MYRIP: variants seen among roughly 807,000 people sequenced by gnomAD.
The protein encoded by MYRIP is myosin VIIA and Rab interacting protein, also known as rab effector MyRIP.
Under a neutral mutation model 98.0 loss-of-function variants are expected in MYRIP, and 49 were observed. That is an observed-to-expected ratio of 0.50 (90% CI 0.40 to 0.63). MYRIP has a LOEUF of 0.63. MYRIP is among the 30% of genes least tolerant of loss of function. The probability of loss-of-function intolerance (pLI) is 0.00; values close to 1 mark genes in which losing one functional copy is unlikely to be tolerated. For missense variants in MYRIP, 1,004 were observed against 1,058.2 expected, an observed-to-expected ratio of 0.95 and a Z score of 0.71; for synonymous variants, 404 against 409.5, an observed-to-expected ratio of 0.99 and a Z score of 0.16.
intron 3 of MYRIP, among the ~76,000 whole-genome samples, chr3:40,117,008 G>A (rs566205000): frequency 1.3e-4 from 20 of 152,174 alleles, no homozygotes; most frequent in East Asian, 1.2e-3. Flanking sequence ...TCCTGTCTCC[G>A]TCTCACAGTC....
In MYRIP at chr3:40,231,937, A is replaced by C. The variant is rs1952672138; in HGVS notation, c.1906-1922A>C. On this transcript the variant is annotated intron_variant, in intron 11 of 16. Transcript: ENST00000302541. ...TTGCCCTTTCTAAAACAGACCTAAG[A>C]AGTGGTAGCTGGTTCTTGCCAAAAT... 2.0e-5 allele frequency among the ~76,000 whole-genome samples: 3 copies of C among 152,208 alleles called. No homozygotes were observed. The South Asian group carries it at 6.2e-4, about 32-fold the overall frequency.
chr3:40,116,490 C>A (rs776905486), intron 3 of MYRIP, among the ~76,000 whole-genome samples: 1 of 152,088 alleles, frequency 6.6e-6, no homozygotes, highest in African/African-American at 2.4e-5. Context: ...TTCCCTTGTC[C>A]CTGAGAGTAG....
At chr3:40,031,472 G>C (rs1257639044) in intron 2 of MYRIP, among the ~76,000 whole-genome samples, 1 of 152,132 alleles carries the variant, frequency 6.6e-6, no homozygotes, top group Non-Finnish European at 1.5e-5. Flanking sequence ...TTTCTGAATG[G>C]GGCAGGAGAT....
intron 3 of MYRIP, among the ~76,000 whole-genome samples, chr3:40,095,909 T>G (rs1948821253): frequency 6.6e-6 from 1 of 150,620 alleles, no homozygotes; most frequent in Admixed American, 6.6e-5. Flanking sequence ...GCACCTTCCC[T>G]CTCCCCATCC....
chr3:39,829,759 A>G (rs1350810371), intron 1 of MYRIP, among the ~76,000 whole-genome samples: 1 of 152,110 alleles, frequency 6.6e-6, no homozygotes, highest in Non-Finnish European at 1.5e-5. Context: ...ACTTATATGC[A>G]CTGAGAAACC....
chr3:39,974,436 G>A (rs1945690939), intron 2 of MYRIP, among the ~76,000 whole-genome samples: 1 of 152,076 alleles, frequency 6.6e-6, no homozygotes, highest in Non-Finnish European at 1.5e-5. Context: ...AAAAGTCCAG[G>A]ACCAGATGGA....
intron 11 of MYRIP, among the ~76,000 whole-genome samples, chr3:40,223,387 ACAGAATAGTC>A (rs1483243645): frequency 6.6e-6 from 1 of 152,240 alleles, no homozygotes; most frequent in East Asian, 1.9e-4. Context: ...ATAAGATGTA[ACAGAATAGTC>A]CAGAAGAACA....
chr3:39,928,985 C>T (rs1394576649), intron 2 of MYRIP, among the ~76,000 whole-genome samples: 4 of 151,894 alleles, frequency 2.6e-5, no homozygotes, highest in African/African-American at 9.7e-5. Flanking sequence ...GTTTTAGATC[C>T]AAGATAAACC....
At chr3:39,928,275 A>G (rs934249385) in intron 2 of MYRIP, among the ~76,000 whole-genome samples, 1 of 141,280 alleles carries the variant, frequency 7.1e-6, no homozygotes, top group Non-Finnish European at 1.5e-5. Context: ...ACCAATTTAC[A>G]TAATCTTGCA....
chr3:40,144,207 T>G (rs368091364), intron 3 of MYRIP, among the ~76,000 whole-genome samples: 6 of 152,336 alleles, frequency 3.9e-5, no homozygotes, highest in African/African-American at 1.4e-4. Flanking sequence ...GTTCTAAGTA[T>G]ATGAACAGAA....
At chr3:40,096,527 A>G (rs1337474250) in intron 3 of MYRIP, among the ~76,000 whole-genome samples, 1 of 152,228 alleles carries the variant, frequency 6.6e-6, no homozygotes, top group Non-Finnish European at 1.5e-5. Flanking sequence ...CCGCAACCAC[A>G]GCAAAATGAC....
chr3:40,252,668 G>C (rs139775365), intron 16 of MYRIP, among the ~76,000 whole-genome samples: 1 of 152,300 alleles, frequency 6.6e-6, no homozygotes, highest in African/African-American at 2.4e-5. Context: ...ACAGCTGAAA[G>C]AGCACACTCA....
At chr3:39,956,822 T>C (rs1945176671) in intron 2 of MYRIP, among the ~76,000 whole-genome samples, 1 of 150,962 alleles carries the variant, frequency 6.6e-6, no homozygotes, top group Admixed American at 6.6e-5. Flanking sequence ...ATCAAATAGA[T>C]GGAATAAAAA....
At chr3:40,078,286 C>A (rs952990341) in intron 3 of MYRIP, among the ~76,000 whole-genome samples, 1 of 152,202 alleles carries the variant, frequency 6.6e-6, no homozygotes, top group African/African-American at 2.4e-5. Flanking sequence ...TGTGCAGCCC[C>A]GGTTCGCATT....
intron 2 of MYRIP, among the ~76,000 whole-genome samples, chr3:40,015,809 A>G (rs959167162): frequency 6.6e-6 from 1 of 152,224 alleles, no homozygotes. Flanking sequence ...ATAAAACTGA[A>G]CAACACCTAT....
chr3:40,248,683 CA>C (rs1183994467), intron 13 of MYRIP, among the ~76,000 whole-genome samples: 1 of 151,684 alleles, frequency 6.6e-6, no homozygotes, highest in African/African-American at 2.4e-5. Context: ...CAAGGCCCTC[CA>C]TCAAAACTGC....
At chr3:40,075,389 A>G (rs1415325474) in intron 3 of MYRIP, among the ~76,000 whole-genome samples, 1 of 152,240 alleles carries the variant, frequency 6.6e-6, no homozygotes, top group Non-Finnish European at 1.5e-5. Flanking sequence ...AAATTAAGAC[A>G]TCCATTCCAT....
chr3:39,881,983 G>A (rs1326429853), intron 1 of MYRIP, among the ~76,000 whole-genome samples: 1 of 151,638 alleles, frequency 6.6e-6, no homozygotes, highest in Non-Finnish European at 1.5e-5. Context: ...AGTTTTGAGA[G>A]ACAGCATAGG....
chr3:40,080,749 G>T (rs1948456934), intron 3 of MYRIP, among the ~76,000 whole-genome samples: 1 of 141,436 alleles, frequency 7.1e-6, no homozygotes, highest in African/African-American at 2.6e-5. Context: ...TTTCTGACTT[G>T]CTAGATTCTC....
Sources: gnomAD v4.1 joint callset for allele counts (sites outside exome capture counted in the v4.1 genomes callset) on GRCh38, gnomAD v4.1.1 for gene constraint, MANE v1.5 for transcripts, NCBI Gene and HGNC (gene_info 2026-07-23, HGNC 2026-07-21) for gene names.